Variants in ANK2 observed in about 807,000 individuals in gnomAD.
ANK2 encodes the protein ankyrin 2.
In ANK2, 83 loss-of-function variants were observed where a neutral mutation model predicts 360.5. That is an observed-to-expected ratio of 0.23 (90% confidence interval 0.19 to 0.28). The LOEUF (loss-of-function observed/expected upper bound fraction) is 0.28. Among genes scored for constraint, ANK2 ranks in the 10% least tolerant of loss-of-function variants. ANK2 has a pLI of 1.00. For missense variants in ANK2, 4,201 were observed against 4,795.7 expected (o/e 0.88, Z 3.66); for synonymous variants, 1,740 against 1,759.5 (o/e 0.99, Z 0.28).
intron 2 of ANK2, among the ~76,000 whole-genome samples, chr4:112,910,405 C>T (rs773279635): frequency 3.9e-5 from 6 of 152,154 alleles, no homozygotes; most frequent in Non-Finnish European, 8.8e-5. Context: ...ATGGTGAACT[C>T]GTTACTGAGA....
the ANK2 span, among the ~76,000 whole-genome samples, chr4:112,772,795 T>G: frequency 2.0e-5 from 3 of 152,158 alleles, no homozygotes; most frequent in Admixed American, 6.6e-5. Context: ...TATTAGCTGT[T>G]GGTGCAGTTG....
chr4:113,352,842 T>C (rs2095501417), intron 37 of ANK2, among the ~76,000 whole-genome samples: 1 of 152,096 alleles, frequency 6.6e-6, no homozygotes, highest in African/African-American at 2.4e-5. Flanking sequence ...CATTTTTCCT[T>C]TTCAGTTGTT....
At chr4:113,248,552 G>T (rs1229468515) in intron 9 of ANK2, among the ~76,000 whole-genome samples, 2 of 152,086 alleles carry the variant, frequency 1.3e-5, no homozygotes, top group Non-Finnish European at 2.9e-5. Flanking sequence ...TGGCCAGTCT[G>T]TTGGGACACA....
chr4:112,738,714 AAG>A, the ANK2 span: 10 of 611,766 alleles, frequency 1.6e-5, no homozygotes, highest in Non-Finnish European at 2.8e-5. Context: ...GATCATTAAA[AAG>A]AGAACCAAGA....
At chr4:112,819,261 G>C (rs145184280) in intron 1 of ANK2, among the ~76,000 whole-genome samples, 160 of 152,344 alleles carry the variant, frequency 1.1e-3, no homozygotes, top group African/African-American at 3.8e-3. Context: ...GCACTTTTCT[G>C]TGAACACTTG....
At chr4:112,791,796 T>G in the ANK2 span, among the ~76,000 whole-genome samples, 1 of 151,756 alleles carries the variant, frequency 6.6e-6, no homozygotes, top group Non-Finnish European at 1.5e-5. Flanking sequence ...CAGCCTAGCC[T>G]CTTACTTCTA....
intron 14 of ANK2, among the ~76,000 whole-genome samples, chr4:113,273,547 C>T (rs1269478672): frequency 6.6e-6 from 1 of 152,162 alleles, no homozygotes; most frequent in Non-Finnish European, 1.5e-5. Context: ...TCCATTCATT[C>T]TTAGCCCTGA....
intron 1 of ANK2, among the ~76,000 whole-genome samples, chr4:112,838,308 G>A (rs1007221423): frequency 6.6e-6 from 1 of 152,198 alleles, no homozygotes; most frequent in African/African-American, 2.4e-5. Flanking sequence ...GCAGAACTGT[G>A]AGTCAATTAA....
chr4:112,788,284 G>A, the ANK2 span: 2 of 1,575,384 alleles, frequency 1.3e-6, no homozygotes, highest in Non-Finnish European at 1.7e-6. Context: ...AGGCGACAGT[G>A]GTGCAGGTCT....
the ANK2 span, chr4:112,797,398 G>A: frequency 5.2e-5 from 8 of 152,992 alleles, no homozygotes; most frequent in East Asian, 5.8e-4. Flanking sequence ...GCACCTGCCC[G>A]GCCATTCTAT....
intron 26 of ANK2, among the ~76,000 whole-genome samples, chr4:113,327,338 C>G (rs756854822): frequency 3.9e-5 from 6 of 152,180 alleles, no homozygotes; most frequent in Admixed American, 3.9e-4. Context: ...TACATTAGAG[C>G]AGGAATAAGC....
At chr4:113,025,865 TAGCTA>T (rs2154300569) in intron 2 of ANK2, among the ~76,000 whole-genome samples, 1 of 152,300 alleles carries the variant, frequency 6.6e-6, no homozygotes, top group South Asian at 2.1e-4. Flanking sequence ...CTATACCTGA[TAGCTA>T]TGTCACTTTA....
At chr4:112,880,352 G>C (rs114424683) in intron 1 of ANK2, 1 of 152,104 alleles carries the variant, frequency 6.6e-6, no homozygotes. Flanking sequence ...TGTAATTCTT[G>C]TAAAGAATAC....
intron 38 of ANK2, among the ~76,000 whole-genome samples, chr4:113,360,472 T>G (rs879416413): frequency 6.6e-6 from 1 of 152,032 alleles, no homozygotes; most frequent in Non-Finnish European, 1.5e-5. Flanking sequence ...CTGCATCCCA[T>G]TTATGATTTC....
chr4:112,757,893 T>TC, the ANK2 span, among the ~76,000 whole-genome samples: 1 of 101,730 alleles, frequency 9.8e-6, no homozygotes, highest in African/African-American at 4.9e-5. Context: ...GGATTTTTTT[T>TC]TTTTTGAGAC....
At chr4:113,002,139 G>A (rs2050956189) in intron 2 of ANK2, among the ~76,000 whole-genome samples, 1 of 152,044 alleles carries the variant, frequency 6.6e-6, no homozygotes, top group South Asian at 2.1e-4. Context: ...TCGTCATCTA[G>A]CATTAGGTAT....
chr4:113,122,498 T>C (rs75635860), intron 1 of ANK2, among the ~76,000 whole-genome samples: 3 of 152,288 alleles, frequency 2.0e-5, no homozygotes, highest in Non-Finnish European at 4.4e-5. Flanking sequence ...TTTTAAAACC[T>C]GCATGGAATT....
chr4:113,287,759 A>G, intron 19 of ANK2, 56 bp downstream of exon 19: 3 of 1,452,300 alleles, frequency 2.1e-6, no homozygotes, highest in Non-Finnish European at 2.9e-6. Context: ...GATTCCCAGT[A>G]GCCCCCATTC....
intron 31 of ANK2, among the ~76,000 whole-genome samples, chr4:113,337,871 C>T (rs893778381): frequency 4.6e-5 from 7 of 152,008 alleles, no homozygotes. Flanking sequence ...CTATAATGTG[C>T]AATATAATGT....
Sources: allele counts gnomAD v4.1 joint callset (sites outside exome capture counted in the v4.1 genomes callset), GRCh38; gene constraint gnomAD v4.1.1; transcripts MANE v1.5; gene names NCBI Gene and HGNC (gene_info 2026-07-23, HGNC 2026-07-21).